The following CDC42BPB variants were observed in gnomAD, a reference collection of about 807,000 sequenced individuals.
CDC42BPB encodes CDC42 binding protein kinase beta.
CDC42BPB carries 37 observed loss-of-function variants against 214.9 expected under a neutral mutation model. The observed-to-expected ratio is 0.17, with a 90% CI of 0.13 to 0.23. The LOEUF (loss-of-function observed/expected upper bound fraction) is 0.23. Among genes scored for constraint, CDC42BPB ranks in the 10% least tolerant of loss-of-function variants. The probability of loss-of-function intolerance (pLI) is 1.00; values close to 1 mark genes in which losing one functional copy is unlikely to be tolerated. For synonymous variants in CDC42BPB, 931 were observed against 884.0 expected (o/e 1.05, Z -0.94); for missense variants, 1,694 against 2,227.0 (o/e 0.76, Z 4.82).
chr14:102,984,756 G>A (rs896850820), intron 6 of CDC42BPB, among the ~76,000 whole-genome samples: 1 of 152,108 alleles, frequency 6.6e-6, no homozygotes, highest in Non-Finnish European at 1.5e-5. Flanking sequence ...GCCTGTCTGG[G>A]GAAGGCCAGG....
At chr14:102,978,006 T>A in intron 9 of CDC42BPB, 120 bp downstream of exon 9, 1 of 718,808 alleles carries the variant, frequency 1.4e-6, no homozygotes, top group South Asian at 1.7e-5. Context: ...CTCCCTTAAG[T>A]AATGGCCTCC....
chr14:102,963,322 C>A lies in CDC42BPB; in HGVS notation c.2727-167G>T, dbSNP rs761114331. 3 of 978,516 alleles carry A rather than the reference C, an allele frequency of 3.1e-6. No individual in the cohort carries two copies. In the African/African-American group the frequency reaches 5.3e-5, roughly 17 times the overall value. The allele number at this position is 978,516 out of a possible 1,614,324, so 60.6% of individuals were successfully genotyped here. A position where few individuals can be genotyped will look rare whatever the true frequency, so the allele number is the denominator to read the frequency against. On this transcript the variant is annotated intron_variant, in intron 19 of 36. Coordinates refer to ENST00000361246, the MANE Select transcript of CDC42BPB (RefSeq NM_006035.4). Reference sequence around the variant, plus strand: ...TCTACTGCAAACACCATGAACAGTACGAATATTTCAAATATAAACATTCAA... The same window carrying A: ...TCTACTGCAAACACCATGAACAGTAAGAATATTTCAAATATAAACATTCAA...
chr14:102,981,284 G>A (rs1348174914), intron 7 of CDC42BPB: 16 of 723,148 alleles, frequency 2.2e-5, no homozygotes, highest in Non-Finnish European at 2.5e-5. Flanking sequence ...GGCAAGGAAT[G>A]TGGGAAACAT....
At chr14:102,954,517 G>A (rs1315841768) in intron 22 of CDC42BPB, 85 bp downstream of exon 22, 2 of 1,420,382 alleles carry the variant, frequency 1.4e-6, no homozygotes, top group Non-Finnish European at 1.9e-6. Flanking sequence ...AAACTGTTAT[G>A]CAGGGGCCAG....
At chr14:103,042,749 G>A (rs1888076135) in intron 1 of CDC42BPB, among the ~76,000 whole-genome samples, 1 of 152,156 alleles carries the variant, frequency 6.6e-6, no homozygotes, top group South Asian at 2.1e-4. Context: ...ACCACAATGA[G>A]AAACGACTTC....
intron 1 of CDC42BPB, among the ~76,000 whole-genome samples, chr14:103,056,709 C>T (rs1280911788): frequency 6.6e-6 from 1 of 150,378 alleles, no homozygotes; most frequent in Non-Finnish European, 1.5e-5. Flanking sequence ...TAGGATGTGG[C>T]TCCAAGGGGC....
rs776785413 is a variant in CDC42BPB at position 102,944,298 on chromosome 14, G to A, written c.4001C>T (p.Ala1334Val). The change falls in exon 30 of 37, where the codon GCC becomes GTC. Residue 1334 changes from alanine (A) to valine (V), a missense_variant. Physicochemically the swap from Ala to Val is moderately conservative, Grantham distance 64. Coordinates refer to ENST00000361246, the MANE Select transcript of CDC42BPB (RefSeq NM_006035.4). The surrounding 1 kb of genome is among the most constrained non-coding windows in gnomAD (Gnocchi z 6.6). ...GGTGCCAGAGTTCCTCTTGAGTGTG[G>A]CCGTGGCCATGAGCTGGCAGCCTTT... ...ETKGCQLMAT[A>V]TLKRNSGTCL... 13 of 1,613,106 alleles carry A rather than the reference G, an allele frequency of 8.1e-6. No homozygotes were observed. Among genetic ancestry groups the A allele is most frequent in the Non-Finnish European group, 1.0e-5 (12 of 1,180,020 alleles).
At chr14:103,053,773 A>AG (rs1888787487) in intron 1 of CDC42BPB, among the ~76,000 whole-genome samples, 1 of 152,022 alleles carries the variant, frequency 6.6e-6, no homozygotes, top group African/African-American at 2.4e-5. Context: ...AAAAAAAAAA[A>AG]AAAAGTTGAA....
chr14:102,951,717 G>A (rs1181025070), intron 24 of CDC42BPB, among the ~76,000 whole-genome samples: 1 of 152,114 alleles, frequency 6.6e-6, no homozygotes, highest in Non-Finnish European at 1.5e-5. Context: ...AATCTGGGAG[G>A]CAGCGGTTGC....
intron 3 of CDC42BPB, 64 bp downstream of exon 3, chr14:103,008,408 C>G (rs1885968762): frequency 6.5e-6 from 7 of 1,076,214 alleles, no homozygotes; most frequent in Non-Finnish European, 7.2e-6. Flanking sequence ...CCCCAGCTGG[C>G]TTCACAGTCA....
chr14:102,996,756 G>A (rs1305679945), intron 5 of CDC42BPB, among the ~76,000 whole-genome samples: 1 of 145,944 alleles, frequency 6.9e-6, no homozygotes, highest in Admixed American at 7.0e-5. Context: ...AGATTATAGT[G>A]AGCTGAGACC....
Position 102,943,715 on chromosome 14 carries a change from G to C in CDC42BPB, c.4408+176C>G. 1 of 602,988 alleles carries C rather than the reference G, an allele frequency of 1.7e-6. No homozygotes were observed. The highest frequency in any genetic ancestry group is 2.9e-6 in the Non-Finnish European group (1 of 346,870). 37.4% of individuals were successfully genotyped at this position (602,988 alleles called of 1,614,324 possible). On this transcript the variant is annotated intron_variant, in intron 30 of 36. Transcript: ENST00000361246. This position sits in a 1 kb window ranked among gnomAD's most constrained non-coding sequence, Gnocchi z 4.6. Reference sequence around the variant, plus strand: ...CTGAGCCCGCCTACTGCTGGTCTGAGACGTGAGATCTGAACCATGCTCTCT... The same window carrying C: ...CTGAGCCCGCCTACTGCTGGTCTGACACGTGAGATCTGAACCATGCTCTCT...
intron 36 of CDC42BPB, among the ~76,000 whole-genome samples, chr14:102,934,333 G>GCAAC: frequency 6.6e-6 from 1 of 152,146 alleles, no homozygotes; most frequent in Non-Finnish European, 1.5e-5. Context: ...AGGAGATTGG[G>GCAAC]ACCATCCTGG....
intron 35 of CDC42BPB, 45 bp downstream of exon 35, chr14:102,938,260 AC>A (rs1210140597): frequency 3.1e-6 from 5 of 1,596,152 alleles, no homozygotes; most frequent in African/African-American, 1.3e-5. Flanking sequence ...AGCACCCCCT[AC>A]CCCCCACCTC....
chr14:102,967,382 A>G (rs1893259581), intron 16 of CDC42BPB: 3 of 985,056 alleles, frequency 3.0e-6, no homozygotes, highest in South Asian at 9.4e-5. Flanking sequence ...ATGGAGCTGG[A>G]GCTAGTGACT....
At chr14:102,940,155 A>G (rs1174296395) in intron 31 of CDC42BPB, 25 bp from the exon 32 acceptor site, 1 of 1,614,060 alleles carries the variant, frequency 6.2e-7, no homozygotes, top group Non-Finnish European at 8.5e-7. Context: ...AGGGAGGGAC[A>G]GTAAGCGCGG....
At position 102,933,634 on chromosome 14, in the gene CDC42BPB, C is replaced by A; in HGVS notation, c.*78G>T. On this transcript the variant is annotated 3_prime_UTR_variant, in exon 37 of 37. Coordinates refer to ENST00000361246, the MANE Select transcript of CDC42BPB (RefSeq NM_006035.4). ...TGATTCTACATTTCCTTGGACAACACTGGAGGGCCCGCTCAGTCTTGGCAC... is the reference window on the plus strand; with the variant it reads ...TGATTCTACATTTCCTTGGACAACAATGGAGGGCCCGCTCAGTCTTGGCAC... 1.7e-6 allele frequency: 2 copies of A among 1,189,472 alleles called. No individual in the cohort carries two copies. The highest frequency in any genetic ancestry group is 1.1e-6 in the Non-Finnish European group (1 of 907,276). 73.7% of individuals were successfully genotyped at this position (1,189,472 alleles called of 1,614,324 possible). A position where few individuals can be genotyped will look rare whatever the true frequency, so the allele number is the denominator to read the frequency against.
At position 103,057,153 on chromosome 14, in the gene CDC42BPB, G is replaced by A. The variant is rs1333507538; in HGVS notation, c.21C>T (p.Leu7=). 2 of 1,486,720 alleles carry A rather than the reference G, an allele frequency of 1.3e-6. No homozygotes were observed. Among genetic ancestry groups the A allele is most frequent in the Admixed American group, 4.6e-5 (2 of 43,492 alleles). 92.1% of individuals were successfully genotyped at this position (1,486,720 alleles called of 1,614,324 possible). A position where few individuals can be genotyped will look rare whatever the true frequency, so the allele number is the denominator to read the frequency against. MSAKVR[L]KKLEQLLLDG... Reference sequence around the variant, plus strand: ...CCAGGAGCAGCTGCTCCAGCTTCTTGAGCCGCACCTTGGCCGACATGGTGC... The same window carrying A: ...CCAGGAGCAGCTGCTCCAGCTTCTTAAGCCGCACCTTGGCCGACATGGTGC... The change falls in exon 1 of 37, where the codon CTC becomes CTT. Residue 7 remains leucine, a synonymous_variant. Transcript: ENST00000361246.
chr14:102,973,757 G>A (rs943233551), intron 12 of CDC42BPB, among the ~76,000 whole-genome samples: 1 of 152,214 alleles, frequency 6.6e-6, no homozygotes, highest in Non-Finnish European at 1.5e-5. Flanking sequence ...GGCTGATTGC[G>A]AGGTGGATAA....
Sources: allele counts gnomAD v4.1 joint callset (sites outside exome capture counted in the v4.1 genomes callset), GRCh38; gene constraint gnomAD v4.1.1; non-coding constraint Gnocchi (gnomAD v3.1); transcripts MANE v1.5; gene names NCBI Gene and HGNC (gene_info 2026-07-23, HGNC 2026-07-21).